CSMD1: variants seen among roughly 807,000 people sequenced by gnomAD.
The protein encoded by CSMD1 is CUB and Sushi multiple domains 1.
CSMD1 carries 213 observed loss-of-function variants against 417.5 expected under a neutral mutation model. The observed-to-expected ratio is 0.51, with a 90% confidence interval of 0.46 to 0.57. The LOEUF (loss-of-function observed/expected upper bound fraction) is 0.57, where lower values mean the gene tolerates loss of function less well. Ranked by LOEUF, CSMD1 falls within the 20% of genes least tolerant of loss-of-function variation. CSMD1 has a pLI of 0.00. For missense variants in CSMD1, 6,923 were observed against 4,529.7 expected, an observed-to-expected ratio of 1.53 and a Z score of -15.17; for synonymous variants, 2,862 against 1,736.8, an observed-to-expected ratio of 1.65 and a Z score of -16.11.
intron 5 of CSMD1, among the ~76,000 whole-genome samples, chr8:3,954,034 G>C (rs1362156473): frequency 1.3e-5 from 2 of 152,138 alleles, no homozygotes; most frequent in African/African-American, 4.8e-5. Flanking sequence ...ATGGTGAGCG[G>C]GGCACATGCT....
chr8:3,659,305 G>C (rs1196079801), intron 7 of CSMD1, among the ~76,000 whole-genome samples: 1 of 152,156 alleles, frequency 6.6e-6, no homozygotes, highest in Non-Finnish European at 1.5e-5. Context: ...TTGACAAATT[G>C]TGTAGTTATT....
At chr8:3,112,522 C>G (rs1304038419) in intron 42 of CSMD1, among the ~76,000 whole-genome samples, 2 of 152,194 alleles carry the variant, frequency 1.3e-5, no homozygotes, top group Admixed American at 6.5e-5. Context: ...ACCTCTATAA[C>G]ATTGAGCAAG....
chr8:3,045,508 C>T (rs1811376498), intron 50 of CSMD1, among the ~76,000 whole-genome samples: 1 of 152,150 alleles, frequency 6.6e-6, no homozygotes, highest in Non-Finnish European at 1.5e-5. Context: ...ACCCCTTATT[C>T]CTGATTTTTC....
chr8:3,261,203 G>A (rs1425789522), intron 26 of CSMD1, among the ~76,000 whole-genome samples: 3 of 151,982 alleles, frequency 2.0e-5, no homozygotes, highest in African/African-American at 4.8e-5. Flanking sequence ...ATTTTATATC[G>A]TCTGTAAAAT....
At chr8:4,585,129 T>C (rs1799635268) in intron 2 of CSMD1, among the ~76,000 whole-genome samples, 1 of 148,966 alleles carries the variant, frequency 6.7e-6, no homozygotes, top group Admixed American at 6.7e-5. Flanking sequence ...AGAAAGAGAC[T>C]AACAGGAAGT....
intron 2 of CSMD1, among the ~76,000 whole-genome samples, chr8:4,544,277 T>C (rs1362454092): frequency 6.6e-6 from 1 of 152,202 alleles, no homozygotes; most frequent in Admixed American, 6.5e-5. Context: ...GAGCCATTTT[T>C]AGTTACTGTT....
intron 36 of CSMD1, among the ~76,000 whole-genome samples, chr8:3,181,669 C>T (rs1821335413): frequency 6.6e-6 from 1 of 152,156 alleles, no homozygotes; most frequent in African/African-American, 2.4e-5. Flanking sequence ...ATATGCTCTT[C>T]CTGATCCCTA....
chr8:3,980,419 C>G (rs535452860), intron 5 of CSMD1, among the ~76,000 whole-genome samples: 3 of 152,250 alleles, frequency 2.0e-5, no homozygotes, highest in South Asian at 4.1e-4. Context: ...CTTCCCACTT[C>G]TATGGTCAGG....
At chr8:4,872,958 G>C (rs1000048562) in intron 1 of CSMD1, among the ~76,000 whole-genome samples, 1 of 151,972 alleles carries the variant, frequency 6.6e-6, no homozygotes, top group Non-Finnish European at 1.5e-5. Context: ...AGTATGACTG[G>C]CAAACAAAAA....
At chr8:4,433,383 C>A (rs1797978054) in intron 2 of CSMD1, among the ~76,000 whole-genome samples, 1 of 152,092 alleles carries the variant, frequency 6.6e-6, no homozygotes, top group Admixed American at 6.5e-5. Context: ...GACATGACAT[C>A]ATTACATAAA....
In CSMD1 at chr8:4,788,216, G is replaced by T. The variant is rs564019411; in HGVS notation, c.86-150658C>A. The T allele has an allele frequency of 3.5e-5, 55 of 1,582,608 alleles. No individual in the cohort carries two copies. The African/African-American group carries it at 5.4e-4, about 15-fold the overall frequency. On this transcript the variant is annotated intron_variant, in intron 1 of 69. Transcript: ENST00000635120. Reference sequence around the variant, plus strand: ...CATGTGAACTTTGAGTAACATCTGCGCATAAAGGACCAGATGAAACTCTGA... The same window carrying T: ...CATGTGAACTTTGAGTAACATCTGCTCATAAAGGACCAGATGAAACTCTGA...
chr8:3,453,093 G>A (rs1232271304), intron 12 of CSMD1, among the ~76,000 whole-genome samples: 1 of 152,178 alleles, frequency 6.6e-6, no homozygotes, highest in Non-Finnish European at 1.5e-5. Flanking sequence ...AGATTTTCTA[G>A]TTCTTTTGCA....
chr8:3,265,663 C>T (rs977223832), intron 26 of CSMD1, among the ~76,000 whole-genome samples: 27 of 152,132 alleles, frequency 1.8e-4, no homozygotes, highest in African/African-American at 6.0e-4. Context: ...AACATGAGGT[C>T]GTGCTAGGAT....
chr8:4,416,928 T>C (rs1402380422), intron 3 of CSMD1, among the ~76,000 whole-genome samples: 3 of 152,080 alleles, frequency 2.0e-5, no homozygotes, highest in African/African-American at 7.2e-5. Flanking sequence ...AGTAATCTTA[T>C]TATAAACTAT....
At chr8:4,542,555 C>T (rs1044351217) in intron 2 of CSMD1, among the ~76,000 whole-genome samples, 3 of 152,146 alleles carry the variant, frequency 2.0e-5, no homozygotes, top group African/African-American at 7.2e-5. Flanking sequence ...TAAAAGGGTG[C>T]TGTCATTTTT....
intron 1 of CSMD1, among the ~76,000 whole-genome samples, chr8:4,893,277 T>C (rs547825730): frequency 6.6e-6 from 1 of 152,152 alleles, no homozygotes; most frequent in African/African-American, 2.4e-5. Context: ...AACTGATGTT[T>C]TTCTTGAACT....
At chr8:4,841,598 T>C (rs1800837221) in intron 1 of CSMD1, among the ~76,000 whole-genome samples, 1 of 151,988 alleles carries the variant, frequency 6.6e-6, no homozygotes, top group South Asian at 2.1e-4. Flanking sequence ...ATAGGAGATT[T>C]AAGAAAATAA....
chr8:3,507,045 G>C (rs1009163332), intron 10 of CSMD1, among the ~76,000 whole-genome samples: 10 of 152,066 alleles, frequency 6.6e-5, no homozygotes, highest in African/African-American at 2.2e-4. Context: ...TATATACCAA[G>C]TGCCTAACAT....
chr8:4,468,588 C>G (rs920768924), intron 2 of CSMD1, among the ~76,000 whole-genome samples: 4 of 152,116 alleles, frequency 2.6e-5, no homozygotes, highest in African/African-American at 9.7e-5. Flanking sequence ...ATCCATTCAG[C>G]CACAAATGAT....
Sources: allele counts gnomAD v4.1 joint callset (sites outside exome capture counted in the v4.1 genomes callset), GRCh38; gene constraint gnomAD v4.1.1; transcripts MANE v1.5; gene names NCBI Gene and HGNC (gene_info 2026-07-23, HGNC 2026-07-21).